The following DNAJC13 variants were observed in gnomAD, a reference collection of about 807,000 sequenced individuals.
The protein encoded by DNAJC13 is DnaJ heat shock protein family (Hsp40) member C13, also known as dnaJ homolog subfamily C member 13.
A neutral mutation model predicts 290.5 loss-of-function variants in DNAJC13; 75 were observed. The ratio of observed to expected loss-of-function variants is 0.26; its 90% CI spans 0.21 to 0.31. The LOEUF (loss-of-function observed/expected upper bound fraction) is 0.31. Among genes scored for constraint, DNAJC13 ranks in the 10% least tolerant of loss-of-function variants. DNAJC13 has a pLI of 1.00. For missense variants in DNAJC13, 2,260 were observed against 2,674.5 expected (o/e 0.85, Z 3.42); for synonymous variants, 862 against 892.0 (o/e 0.97, Z 0.60).
At chr3:132,535,784 C>A (rs183069477) in intron 55 of DNAJC13, among the ~76,000 whole-genome samples, 2 of 152,296 alleles carry the variant, frequency 1.3e-5, no homozygotes, top group African/African-American at 4.8e-5. Context: ...TCCTGGCAGC[C>A]CCTGCTCTTC....
intron 39 of DNAJC13, 138 bp from the exon 40 acceptor site, chr3:132,502,151 T>G: frequency 1.5e-6 from 1 of 661,966 alleles, no homozygotes. Context: ...AAATTGGAAT[T>G]GAAAATGTAA....
chr3:132,427,662 T>C (rs959271464), intron 1 of DNAJC13, among the ~76,000 whole-genome samples: 2 of 152,148 alleles, frequency 1.3e-5, no homozygotes, highest in African/African-American at 4.8e-5. Context: ...TATTGCATAC[T>C]AGAGGGATTG....
intron 39 of DNAJC13, among the ~76,000 whole-genome samples, chr3:132,501,494 G>T (rs1235670850): frequency 1.3e-5 from 2 of 151,776 alleles, no homozygotes; most frequent in Admixed American, 1.3e-4. Context: ...TGTGGCTAGT[G>T]TGACTGAGAT....
At position 132,525,556 on chromosome 3, in the gene DNAJC13, T is replaced by A; in HGVS notation, c.6061-54T>A. Reference sequence around the variant, plus strand: ...AACACCAAATACATTACCTTGGATATTTAGGGCTGTATGAGTATTTTATAG... The same window carrying A: ...AACACCAAATACATTACCTTGGATAATTAGGGCTGTATGAGTATTTTATAG... On this transcript the variant is annotated intron_variant, in intron 51 of 55. Coordinates refer to ENST00000260818, the MANE Select transcript of DNAJC13 (RefSeq NM_015268.4). The A allele has an allele frequency of 6.4e-6, 10 of 1,563,078 alleles. 1 individual carries two copies. The South Asian group carries it at 1.1e-4, about 17-fold the overall frequency.
chr3:132,529,786 C>CAA (rs11402210), intron 54 of DNAJC13, among the ~76,000 whole-genome samples: 957 of 92,744 alleles, frequency 0.01, 12 homozygotes, highest in Non-Finnish European at 0.015. Context: ...GACTCTGTCT[C>CAA]AAAAAAAAAA....
intron 31 of DNAJC13, 65 bp downstream of exon 31, chr3:132,489,086 C>T: frequency 3.0e-6 from 4 of 1,313,900 alleles, no homozygotes; most frequent in Non-Finnish European, 4.4e-6. Flanking sequence ...ATAAAGTTTC[C>T]TGAGCTGTGT....
At chr3:132,511,840 A>G (rs1384245003) in intron 44 of DNAJC13, among the ~76,000 whole-genome samples, 1 of 152,186 alleles carries the variant, frequency 6.6e-6, no homozygotes, top group Non-Finnish European at 1.5e-5. Context: ...TAAACCTAAA[A>G]TGATACAAAT....
At chr3:132,482,396 T>C in intron 27 of DNAJC13, 66 bp downstream of exon 27, 2 of 1,249,528 alleles carry the variant, frequency 1.6e-6, no homozygotes, top group Non-Finnish European at 2.3e-6. Flanking sequence ...GCTTAGCACT[T>C]ACAGAGGCGT....
intron 20 of DNAJC13, among the ~76,000 whole-genome samples, chr3:132,472,155 A>G (rs924762404): frequency 2.7e-5 from 4 of 147,048 alleles, no homozygotes; most frequent in Non-Finnish European, 4.5e-5. Context: ...AGAATCAGGC[A>G]GGGAGGTTGC....
intron 51 of DNAJC13, among the ~76,000 whole-genome samples, chr3:132,524,648 C>G (rs1469744595): frequency 6.6e-6 from 1 of 152,202 alleles, no homozygotes; most frequent in African/African-American, 2.4e-5. Context: ...GTGCTACTTT[C>G]CATAGTCATA....
chr3:132,532,603 G>T (rs1029339842), intron 55 of DNAJC13, among the ~76,000 whole-genome samples: 1 of 151,742 alleles, frequency 6.6e-6, no homozygotes, highest in East Asian at 1.9e-4. Flanking sequence ...GTAGGAGTTT[G>T]TTCTTATAGG....
At chr3:132,493,502 G>A (rs528418969) in intron 33 of DNAJC13, among the ~76,000 whole-genome samples, 18 of 151,882 alleles carry the variant, frequency 1.2e-4, no homozygotes, top group Admixed American at 9.2e-4. Flanking sequence ...CATGCAGCTA[G>A]CTCTTAGAAT....
chr3:132,507,656 G>C (rs950443054), intron 43 of DNAJC13, among the ~76,000 whole-genome samples: 3 of 151,932 alleles, frequency 2.0e-5, no homozygotes, highest in Non-Finnish European at 2.9e-5. Context: ...TGTTGCTCTT[G>C]CTAATTGTTT....
rs562885278 is a variant in DNAJC13, at chr3:132,418,058, A to G, written c.-14+298A>G. On this transcript the variant is annotated intron_variant, in intron 1 of 55. Coordinates refer to ENST00000260818, the MANE Select transcript of DNAJC13 (RefSeq NM_015268.4). Reference sequence around the variant, plus strand: ...ACTCGCCTTAACATATCCTTACCCCACAGGCTCTTCATTCCCTTGTGGGTT... The same window carrying G: ...ACTCGCCTTAACATATCCTTACCCCGCAGGCTCTTCATTCCCTTGTGGGTT... Among the ~76,000 whole-genome samples the G allele has an allele frequency of 6.6e-5, 10 of 151,692 alleles. No individual in the cohort carries two copies. In the South Asian group the frequency reaches 2.1e-3, roughly 32 times the overall value.
rs984631950 is a variant in DNAJC13, at chr3:132,494,296, C to T, written c.3941+37C>T. 4 of 1,440,350 alleles carry T rather than the reference C, an allele frequency of 2.8e-6. No individual in the cohort carries two copies. In the African/African-American group the frequency reaches 4.2e-5, roughly 15 times the overall value. 89.2% of individuals were successfully genotyped at this position (1,440,350 alleles called of 1,614,324 possible). A position where few individuals can be genotyped will look rare whatever the true frequency, so the allele number is the denominator to read the frequency against. ...TCAGTACAATAGCAAATGTCTGTCC[C>T]ACCTTAAAGTACCAGTATCAAAGAC... On this transcript the variant is annotated intron_variant, in intron 34 of 55. Coordinates refer to ENST00000260818, the MANE Select transcript of DNAJC13 (RefSeq NM_015268.4).
chr3:132,434,683 T>G, intron 2 of DNAJC13, 65 bp downstream of exon 2: 1 of 1,360,514 alleles, frequency 7.4e-7, no homozygotes. Context: ...TTACTGTGTT[T>G]CATAATCTTG....
At chr3:132,522,075 T>C (rs1936108548) in intron 48 of DNAJC13, among the ~76,000 whole-genome samples, 1 of 152,222 alleles carries the variant, frequency 6.6e-6, no homozygotes, top group Non-Finnish European at 1.5e-5. Context: ...CTTCATTTAT[T>C]CAAGTATTTA....
Position 132,478,048 on chromosome 3 carries a change from T to A in DNAJC13, c.2617T>A (p.Cys873Ser). Residue 873 changes from cysteine (C) to serine (S), a missense_variant, in exon 24 of 56, where the codon TGT (cysteine) becomes AGT (serine). By Grantham distance (112) the Cys-to-Ser change is moderately radical. Transcript: ENST00000260818. Reference sequence around the variant, plus strand: ...CCCAAAAGTAAACATGAAGTGTTTATGTTTACAAGCCCTTGCTATTGTTTA... The same window carrying A: ...CCCAAAAGTAAACATGAAGTGTTTAAGTTTACAAGCCCTTGCTATTGTTTA... ...LTPKVNMKCL[C>S]LQALAIVYGR... is the part of the protein sequence containing the mutation. 1 of 1,613,748 alleles carries A rather than the reference T, an allele frequency of 6.2e-7. No individual in the cohort carries two copies. Among genetic ancestry groups the A allele is most frequent in the Admixed American group, 1.7e-5 (1 of 59,996 alleles).
chr3:132,508,293 G>C (rs940206915), intron 43 of DNAJC13, among the ~76,000 whole-genome samples: 3 of 152,234 alleles, frequency 2.0e-5, no homozygotes, highest in African/African-American at 7.2e-5. Context: ...AGCAAGTGCT[G>C]ATGGAGAAGC....
Sources: allele counts gnomAD v4.1 joint callset (sites outside exome capture counted in the v4.1 genomes callset), GRCh38; gene constraint gnomAD v4.1.1; transcripts MANE v1.5; gene names NCBI Gene and HGNC (gene_info 2026-07-23, HGNC 2026-07-21).